Variants in FRMD6 observed in about 807,000 individuals in gnomAD.
FRMD6 encodes the protein FERM domain-containing protein 6.
FRMD6 carries 37 observed loss-of-function variants against 73.2 expected under a neutral mutation model. That is an observed-to-expected ratio of 0.51 (90% CI 0.39 to 0.66). The LOEUF (loss-of-function observed/expected upper bound fraction) is 0.66, where lower values mean the gene tolerates loss of function less well. FRMD6 is among the 30% of genes least tolerant of loss of function. The pLI is 0.00. For synonymous variants in FRMD6, 273 were observed against 282.2 expected, an observed-to-expected ratio of 0.97 and a Z score of 0.33; for missense variants, 714 against 780.5, an observed-to-expected ratio of 0.91 and a Z score of 1.02.
In FRMD6 at chr14:51,518,835, G is replaced by A. The variant is rs775696664; in HGVS notation, c.-210+29415G>A. ...CATTGTTTTACCATGAGTGACTGTG[G>A]CTATTTGATTATAGCTGTCTTATTA... On this transcript the variant is annotated intron_variant, in intron 1 of 14. Coordinates refer to the FRMD6 transcript ENST00000356218. Among the ~76,000 whole-genome samples, 101 of 152,220 alleles carry A rather than the reference G, an allele frequency of 6.6e-4. 1 individual carries two copies. Among genetic ancestry groups the A allele is most frequent in the Non-Finnish European group, 1.1e-3 (78 of 68,006 alleles).
intron 2 of FRMD6, among the ~76,000 whole-genome samples, chr14:51,646,672 T>C (rs1011284453): frequency 6.6e-6 from 1 of 151,220 alleles, no homozygotes; most frequent in Non-Finnish European, 1.5e-5. Context: ...TTAAGTTTCA[T>C]ACTGTAGGGA....
chr14:51,670,529 C>G (rs1051059077), intron 1 of FRMD6, among the ~76,000 whole-genome samples: 3 of 152,104 alleles, frequency 2.0e-5, no homozygotes, highest in African/African-American at 7.2e-5. Context: ...TCATGTTTAA[C>G]ACTAATTGAA....
intron 1 of FRMD6, among the ~76,000 whole-genome samples, chr14:51,559,295 T>C (rs1393642601): frequency 1.3e-5 from 2 of 152,194 alleles, no homozygotes; most frequent in Non-Finnish European, 2.9e-5. Flanking sequence ...AAGGTCATAA[T>C]TTTTGCCTTC....
chr14:51,651,727 C>G (rs1430595265), upstream of FRMD6: 1 of 149,700 alleles, frequency 6.7e-6, no homozygotes, highest in Non-Finnish European at 1.5e-5. Flanking sequence ...CGGGCGCTCC[C>G]CGTACTGCCG....
intron 13 of FRMD6, among the ~76,000 whole-genome samples, chr14:51,727,082 C>A (rs564192356): frequency 2.0e-5 from 3 of 152,116 alleles, no homozygotes; most frequent in Admixed American, 2.0e-4. Context: ...CCCCCACCCC[C>A]GACTCGTGTT....
intron 1 of FRMD6, among the ~76,000 whole-genome samples, chr14:51,507,633 A>T: frequency 6.6e-6 from 1 of 151,810 alleles, no homozygotes; most frequent in East Asian, 1.9e-4. Flanking sequence ...GAAGCGGAGG[A>T]CCTCCTCCTC....
intron 2 of FRMD6, among the ~76,000 whole-genome samples, chr14:51,599,164 G>A (rs544625276): frequency 3.3e-4 from 47 of 143,476 alleles, no homozygotes; most frequent in Admixed American, 5.8e-4. Flanking sequence ...TTATGATGTT[G>A]AGCATTTTTT....
At chr14:51,568,131 T>C (rs943937571) in intron 1 of FRMD6, among the ~76,000 whole-genome samples, 1 of 152,252 alleles carries the variant, frequency 6.6e-6, no homozygotes, top group Non-Finnish European at 1.5e-5. Context: ...ATTTATGTCT[T>C]TTCTAGAATA....
At position 51,727,894 on chromosome 14, in the gene FRMD6, T is replaced by G. The variant is rs142929789; in HGVS notation, c.1734T>G (p.Asp578Glu). The change falls in exon 14 of 14, where the codon GAT becomes GAG. Residue 578 changes from aspartate (D) to glutamate (E), a missense_variant. Asp to Glu is a conservative substitution (Grantham distance 45). Coordinates refer to ENST00000344768, the MANE Select transcript of FRMD6 (RefSeq NM_001267046.2). ...SYTFGCGHEL[D>E]EEGLYCNSCL... ...CCTTTGGATGTGGCCATGAACTGGA[T>G]GAGGAAGGCCTCTATTGCAACAGTT... The G allele has an allele frequency of 8.7e-5, 141 of 1,614,216 alleles. No individual in the cohort carries two copies. The African/African-American group carries it at 1.6e-3, about 18-fold the overall frequency.
intron 2 of FRMD6, among the ~76,000 whole-genome samples, chr14:51,624,373 A>G (rs1891041696): frequency 6.6e-6 from 1 of 152,188 alleles, no homozygotes; most frequent in Non-Finnish European, 1.5e-5. Context: ...TAGCTTAGAC[A>G]CTGTAGCCCA....
the FRMD6 span, among the ~76,000 whole-genome samples, chr14:51,467,012 T>G: frequency 6.6e-6 from 1 of 151,930 alleles, no homozygotes; most frequent in Non-Finnish European, 1.5e-5. Context: ...GTGTTTCTCG[T>G]AGAGGGGGAT....
Position 51,664,419 on chromosome 14 carries a change from A to G in FRMD6, c.-147+12423A>G, listed in dbSNP as rs1257884527. Among the ~76,000 whole-genome samples the G allele has an allele frequency of 3.9e-5, 6 of 152,254 alleles. No homozygotes were observed. The East Asian group carries it at 5.8e-4, about 15-fold the overall frequency. ...AACTGTCTGTAATACTGTCATCAAA[A>G]TGAATCAACAGGTGTCTGATACTAA... On this transcript the variant is annotated intron_variant, in intron 1 of 13. Transcript: ENST00000344768.
intron 1 of FRMD6, among the ~76,000 whole-genome samples, chr14:51,513,929 T>G (rs1884469316): frequency 6.6e-6 from 1 of 152,212 alleles, no homozygotes; most frequent in Non-Finnish European, 1.5e-5. Flanking sequence ...TGACCAACCA[T>G]GGGATATCAG....
At chr14:51,678,893 G>A (rs1894586351) in intron 1 of FRMD6, among the ~76,000 whole-genome samples, 1 of 152,134 alleles carries the variant, frequency 6.6e-6, no homozygotes, top group African/African-American at 2.4e-5. Context: ...AGAGGGAACA[G>A]CATGGTCAAA....
chr14:51,716,611 C>G (rs974323879), intron 10 of FRMD6, among the ~76,000 whole-genome samples: 1 of 152,084 alleles, frequency 6.6e-6, no homozygotes, highest in East Asian at 1.9e-4. Flanking sequence ...CCAAATGAGA[C>G]CCGGTTTGGC....
chr14:51,438,895 A>C, the FRMD6 span, among the ~76,000 whole-genome samples: 1 of 152,158 alleles, frequency 6.6e-6, no homozygotes, highest in Non-Finnish European at 1.5e-5. Context: ...TGTGGCCAAG[A>C]AGATGGGCTC....
chr14:51,480,308 G>C, the FRMD6 span, among the ~76,000 whole-genome samples: 127,239 of 152,200 alleles, frequency 0.84, 53,730 homozygotes, highest in African/African-American at 0.96. Flanking sequence ...CTGAACAATT[G>C]AGGCTGAATA....
At chr14:51,622,518 A>G (rs147182362) in intron 2 of FRMD6, among the ~76,000 whole-genome samples, 2 of 152,292 alleles carry the variant, frequency 1.3e-5, no homozygotes, top group Non-Finnish European at 2.9e-5. Flanking sequence ...GAACTAAAGA[A>G]GAAAAAGGTT....
At chr14:51,403,693 T>C in the FRMD6 span, among the ~76,000 whole-genome samples, 1 of 152,216 alleles carries the variant, frequency 6.6e-6, no homozygotes, top group Non-Finnish European at 1.5e-5. Flanking sequence ...TGAGCCACCA[T>C]GCCCAGTCTT....
Sources: allele counts gnomAD v4.1 joint callset (sites outside exome capture counted in the v4.1 genomes callset), GRCh38; gene constraint gnomAD v4.1.1; transcripts MANE v1.5; gene names NCBI Gene and HGNC (gene_info 2026-07-23, HGNC 2026-07-21).